SIPA1L3: variants seen among roughly 807,000 people sequenced by gnomAD.
SIPA1L3 encodes signal-induced proliferation-associated 1-like protein 3.
Under a neutral mutation model 150.1 loss-of-function variants are expected in SIPA1L3, and 59 were observed. The ratio of observed to expected loss-of-function variants is 0.39; its 90% CI spans 0.32 to 0.49. The LOEUF is 0.49. Among genes scored for constraint, SIPA1L3 ranks in the 20% least tolerant of loss-of-function variants. SIPA1L3 has a pLI of 0.86. For missense variants in SIPA1L3, 2,211 were observed against 2,489.5 expected, an observed-to-expected ratio of 0.89 and a Z score of 2.38; for synonymous variants, 1,070 against 1,077.6, an observed-to-expected ratio of 0.99 and a Z score of 0.14.
intron 2 of SIPA1L3, among the ~76,000 whole-genome samples, chr19:38,055,346 C>T (rs1450871702): frequency 6.6e-6 from 1 of 152,212 alleles, no homozygotes. Context: ...CTGTCCCCAG[C>T]ATGTCACTCT....
chr19:38,116,881 G>A (rs1272392138), intron 8 of SIPA1L3, among the ~76,000 whole-genome samples: 1 of 152,150 alleles, frequency 6.6e-6, no homozygotes, highest in African/African-American at 2.4e-5. Flanking sequence ...GAAGAAACAT[G>A]AAGAACATAA....
At chr19:38,039,996 G>C (rs772797910) in intron 2 of SIPA1L3, among the ~76,000 whole-genome samples, 1 of 152,020 alleles carries the variant, frequency 6.6e-6, no homozygotes, top group East Asian at 1.9e-4. Flanking sequence ...GCCTGTGGTC[G>C]CAGCTACTTG....
intron 1 of SIPA1L3, among the ~76,000 whole-genome samples, chr19:37,984,175 T>C (rs1309994205): frequency 2.0e-5 from 3 of 152,174 alleles, no homozygotes; most frequent in African/African-American, 7.2e-5. Context: ...GCGAGGCGGT[T>C]AAGGGCTGGA....
chr19:38,119,087 T>C (rs1323497922), intron 8 of SIPA1L3, among the ~76,000 whole-genome samples: 5 of 152,226 alleles, frequency 3.3e-5, no homozygotes, highest in South Asian at 2.1e-4. Flanking sequence ...TCCCAGCTAC[T>C]TGGGAGGCTG....
At chr19:38,192,421 G>A (rs562850524) in intron 17 of SIPA1L3, 111 bp downstream of exon 17, 19 of 1,031,264 alleles carry the variant, frequency 1.8e-5, no homozygotes, top group East Asian at 8.4e-5. Flanking sequence ...GCTCCTTCCC[G>A]TCGTGTCCCC....
chr19:38,151,685 G>A (rs889615545), intron 12 of SIPA1L3, among the ~76,000 whole-genome samples: 2 of 152,006 alleles, frequency 1.3e-5, no homozygotes, highest in Non-Finnish European at 2.9e-5. Context: ...CACTGGGGCC[G>A]GGCATGGTGG....
intron 19 of SIPA1L3, chr19:38,200,469 T>C (rs1001593716): frequency 2.0e-5 from 3 of 152,154 alleles, no homozygotes; most frequent in African/African-American, 7.2e-5. Context: ...TGATCAGTAA[T>C]GGACTCGGGT....
intron 1 of SIPA1L3, among the ~76,000 whole-genome samples, chr19:37,946,810 A>T (rs1190628010): frequency 6.6e-6 from 1 of 151,978 alleles, no homozygotes; most frequent in African/African-American, 2.4e-5. Flanking sequence ...GATGAGATAA[A>T]TATTTTCTTC....
At chr19:37,947,940 T>A (rs1000546231) in intron 1 of SIPA1L3, among the ~76,000 whole-genome samples, 1 of 152,236 alleles carries the variant, frequency 6.6e-6, no homozygotes, top group African/African-American at 2.4e-5. Flanking sequence ...CCAAGACTTC[T>A]GTGGCAATGT....
intron 15 of SIPA1L3, among the ~76,000 whole-genome samples, chr19:38,178,188 A>T (rs1049049092): frequency 6.8e-6 from 1 of 147,572 alleles, no homozygotes; most frequent in African/African-American, 2.5e-5. Context: ...ATTCCTGGCT[A>T]TTTTTATTTT....
Position 38,088,792 on chromosome 19 carries a change from G to A in SIPA1L3, c.1606G>A (p.Glu536Lys), listed in dbSNP as rs200905098. ...TGTGAGCATTAAGCGGGAGAAGCTG[G>A]AAGACCACAAGGAGCACGGACCTCA... ...VAVSIKREKL[E>K]DHKEHGPQYQ... Residue 536 changes from glutamate to lysine, a missense_variant, in exon 4 of 22, where the codon GAA becomes AAA. Physicochemically the swap from Glu to Lys is moderately conservative, Grantham distance 56. Around this residue, in one of 5 missense-constraint regions of SIPA1L3, gnomAD observed 625 missense variants for 804.2 expected, o/e 0.78. Coordinates refer to ENST00000222345, the MANE Select transcript of SIPA1L3 (RefSeq NM_015073.3). 9.9e-6 allele frequency: 16 copies of A among 1,614,002 alleles called. No homozygotes were observed. The highest frequency in any genetic ancestry group is 1.3e-5 in the Non-Finnish European group (15 of 1,180,014).
chr19:38,067,869 C>T (rs1354124624), intron 2 of SIPA1L3, among the ~76,000 whole-genome samples: 1 of 152,276 alleles, frequency 6.6e-6, no homozygotes, highest in East Asian at 1.9e-4. Flanking sequence ...CGTTGCTCTT[C>T]CAGCCAGTGG....
At chr19:38,075,628 A>C (rs1382248816) in intron 2 of SIPA1L3, among the ~76,000 whole-genome samples, 5 of 149,876 alleles carry the variant, frequency 3.3e-5, no homozygotes, top group Non-Finnish European at 7.4e-5. Flanking sequence ...AAAAATACAA[A>C]AATTGGCCAG....
chr19:38,030,544 A>G (rs746959309), intron 2 of SIPA1L3, among the ~76,000 whole-genome samples: 18 of 151,002 alleles, frequency 1.2e-4, no homozygotes, highest in Non-Finnish European at 2.4e-4. Context: ...TTAAATAAAT[A>G]AATAAATACA....
At chr19:38,002,409 T>C (rs1161463902) in intron 1 of SIPA1L3, among the ~76,000 whole-genome samples, 2 of 152,174 alleles carry the variant, frequency 1.3e-5, no homozygotes, top group African/African-American at 4.8e-5. Context: ...TTCCAATTCA[T>C]ATTTAAGGCT....
At chr19:37,993,387 G>A (rs1287046297) in intron 1 of SIPA1L3, among the ~76,000 whole-genome samples, 4 of 152,106 alleles carry the variant, frequency 2.6e-5, no homozygotes, top group Admixed American at 6.6e-5. Flanking sequence ...GCTGGAGTGC[G>A]GTGGCGCGAT....
At chr19:38,139,767 G>C (rs1971527700) in intron 10 of SIPA1L3, among the ~76,000 whole-genome samples, 1 of 152,184 alleles carries the variant, frequency 6.6e-6, no homozygotes, top group African/African-American at 2.4e-5. Context: ...CAGTTGTGGG[G>C]GCTGCAGGTT....
intron 21 of SIPA1L3, among the ~76,000 whole-genome samples, 176 bp downstream of exon 21, chr19:38,204,384 G>T (rs1287654880): frequency 6.6e-6 from 1 of 152,272 alleles, no homozygotes; most frequent in African/African-American, 2.4e-5. Context: ...GCTACCAAGC[G>T]CTCAGAGAAA....
chr19:38,190,671 CT>C (rs1439701068), intron 16 of SIPA1L3, among the ~76,000 whole-genome samples: 7 of 152,138 alleles, frequency 4.6e-5, no homozygotes, highest in Non-Finnish European at 5.9e-5. Flanking sequence ...CAGGCAAAAG[CT>C]TTTATTAAGC....
Sources: gnomAD v4.1 joint callset for allele counts (sites outside exome capture counted in the v4.1 genomes callset) on GRCh38, gnomAD v4.1.1 for gene constraint, gnomAD v4.1.1 regional missense constraint, MANE v1.5 for transcripts, NCBI Gene and HGNC (gene_info 2026-07-23, HGNC 2026-07-21) for gene names.